The following HMGXB4 variants were observed in gnomAD, a reference collection of about 807,000 sequenced individuals.
The protein encoded by HMGXB4 is HMG-box containing 4.
A neutral mutation model predicts 63.9 loss-of-function variants in HMGXB4; 27 were observed. That is an observed-to-expected ratio of 0.42 (90% CI 0.31 to 0.58). The LOEUF is 0.58. HMGXB4 is among the 20% of genes least tolerant of loss of function. The pLI, the probability that HMGXB4 is intolerant of heterozygous loss-of-function variation, is 0.13. For synonymous variants in HMGXB4, 264 were observed against 265.3 expected (o/e 0.99, Z 0.05); for missense variants, 624 against 700.7 (o/e 0.89, Z 1.24).
At chr22:35,280,899 T>G (rs1463210852) in intron 5 of HMGXB4, among the ~76,000 whole-genome samples, 1 of 152,204 alleles carries the variant, frequency 6.6e-6, no homozygotes, top group African/African-American at 2.4e-5. Context: ...CTCCCTAACT[T>G]GGGAAGGCAC....
At chr22:35,293,366 C>T (rs1265953781) in intron 10 of HMGXB4, among the ~76,000 whole-genome samples, 1 of 152,190 alleles carries the variant, frequency 6.6e-6, no homozygotes. Flanking sequence ...TCCTGTGTTT[C>T]CTGTTTGCTA....
chr22:35,273,170 A>G (rs1273095459), intron 5 of HMGXB4, among the ~76,000 whole-genome samples: 1 of 152,222 alleles, frequency 6.6e-6, no homozygotes, highest in Non-Finnish European at 1.5e-5. Flanking sequence ...AACAGCAACA[A>G]TAAATGGTAG....
intron 8 of HMGXB4, 31 bp downstream of exon 8, chr22:35,287,483 C>T (rs1924666213): frequency 1.3e-6 from 2 of 1,489,886 alleles, no homozygotes; most frequent in East Asian, 4.6e-5. Flanking sequence ...CTGCTTTTCT[C>T]TAAAGCATGT....
chr22:35,253,144 A>AAAAAGAAAAAAAAAAAAAAAG (rs1555886256), upstream of HMGXB4, among the ~76,000 whole-genome samples: 2 of 125,316 alleles, frequency 1.6e-5, no homozygotes, highest in African/African-American at 5.7e-5. Flanking sequence ...AAAAAAAAAA[A>AAAAAGAAAAAAAAAAAAAAAG]AAAAAAGAAA....
At chr22:35,245,167 C>T in the HMGXB4 span, among the ~76,000 whole-genome samples, 6 of 152,122 alleles carry the variant, frequency 3.9e-5, no homozygotes, top group Admixed American at 2.6e-4. Context: ...CCACTGCACC[C>T]GGCCCATATT....
At chr22:35,274,868 G>A (rs533677093) in intron 5 of HMGXB4, among the ~76,000 whole-genome samples, 1 of 152,294 alleles carries the variant, frequency 6.6e-6, no homozygotes, top group South Asian at 2.1e-4. Context: ...TCTCAGTCAA[G>A]TTAGTTCAGA....
chr22:35,245,268 T>G, the HMGXB4 span, among the ~76,000 whole-genome samples: 2 of 151,940 alleles, frequency 1.3e-5, no homozygotes, highest in African/African-American at 2.4e-5. Flanking sequence ...ATCCATTGGG[T>G]TTTTTGTTAG....
At chr22:35,248,937 T>C in the HMGXB4 span, among the ~76,000 whole-genome samples, 1 of 152,194 alleles carries the variant, frequency 6.6e-6, no homozygotes, top group African/African-American at 2.4e-5. Context: ...GGACTGGAAG[T>C]TGCTCTGGGT....
chr22:35,293,982 ATC>A lies in HMGXB4; in HGVS notation c.*335_*336del, dbSNP rs1925092284. On this transcript the variant is annotated 3_prime_UTR_variant, in exon 11 of 11. Coordinates refer to ENST00000216106, the MANE Select transcript of HMGXB4 (RefSeq NM_001003681.3). The stretch of plus-strand genomic sequence containing the variant: ...GGGGCTTGTTCTGGGTGCCAAGCGC[ATC>A]TCTTTATGGACAGCTAAAATGTGAT... The A allele has an allele frequency of 5.7e-6, 1 of 176,412 alleles. No individual in the cohort carries two copies. Among genetic ancestry groups the A allele is most frequent in the Admixed American group, 6.2e-5 (1 of 16,206 alleles). 10.9% of individuals were successfully genotyped at this position (176,412 alleles called of 1,614,324 possible).
chr22:35,245,910 C>T, the HMGXB4 span, among the ~76,000 whole-genome samples: 1 of 152,112 alleles, frequency 6.6e-6, no homozygotes. Context: ...GACACCAGGT[C>T]CAGGGGGACC....
At position 35,294,905 on chromosome 22, in the gene HMGXB4, A is replaced by G. The variant is rs898973734; in HGVS notation, c.*1254A>G. 4 of 152,182 alleles carry G rather than the reference A, an allele frequency of 2.6e-5. No homozygotes were observed. The highest frequency in any genetic ancestry group is 9.7e-5 in the African/African-American group (4 of 41,448). The allele number at this position is 152,182 out of a possible 1,614,324, so 9.4% of individuals were successfully genotyped here. A position where few individuals can be genotyped will look rare whatever the true frequency, so the allele number is the denominator to read the frequency against. The stretch of plus-strand genomic sequence containing the variant: ...CATTTTAAGGTATTTTACCTCAAAA[A>G]TGAATCATTGTGTTAGGATTCTAAT... On this transcript the variant is annotated 3_prime_UTR_variant, in exon 11 of 11. Coordinates refer to ENST00000216106, the MANE Select transcript of HMGXB4 (RefSeq NM_001003681.3).
the HMGXB4 span, among the ~76,000 whole-genome samples, chr22:35,246,313 C>T: frequency 1.3e-5 from 2 of 151,988 alleles, no homozygotes; most frequent in African/African-American, 4.8e-5. Context: ...CTCGCTCTGT[C>T]GCCCAGGATA....
At chr22:35,263,433 G>A (rs1922995692) in intron 3 of HMGXB4, among the ~76,000 whole-genome samples, 1 of 151,946 alleles carries the variant, frequency 6.6e-6, no homozygotes, top group South Asian at 2.1e-4. Context: ...ACAGGCGCGG[G>A]CCACCACGCC....
chr22:35,266,455 A>G (rs1411535877), intron 5 of HMGXB4, among the ~76,000 whole-genome samples: 1 of 152,184 alleles, frequency 6.6e-6, no homozygotes, highest in Admixed American at 6.5e-5. Flanking sequence ...GGAAGTAAAA[A>G]CACAAGCAGG....
At chr22:35,259,389 AT>A (rs1207485220) in intron 1 of HMGXB4, among the ~76,000 whole-genome samples, 1 of 152,224 alleles carries the variant, frequency 6.6e-6, no homozygotes, top group Non-Finnish European at 1.5e-5. Context: ...CCTGTTTCAC[AT>A]TTGCCAACAT....
In HMGXB4 at chr22:35,258,871, C is replaced by T. The variant is rs192714373; in HGVS notation, c.-69+1314C>T. On this transcript the variant is annotated intron_variant, in intron 1 of 10. Transcript: ENST00000216106. Reference sequence around the variant, plus strand: ...AACAGACCTGGAGTTCAGAATTTCTCTTACTGTCCGTGTGACGGGGCTTAC... The same window carrying T: ...AACAGACCTGGAGTTCAGAATTTCTTTTACTGTCCGTGTGACGGGGCTTAC... Among the ~76,000 whole-genome samples, 519 of 152,300 alleles carry T rather than the reference C, an allele frequency of 3.4e-3. 1 individual carries two copies. The highest frequency in any genetic ancestry group is 6.0e-3 in the Non-Finnish European group (405 of 68,020).
chr22:35,248,499 C>A, the HMGXB4 span, among the ~76,000 whole-genome samples: 5 of 151,568 alleles, frequency 3.3e-5, no homozygotes, highest in East Asian at 9.7e-4. Context: ...CTACACCTCC[C>A]AGGTTCAAGT....
intron 9 of HMGXB4, 93 bp downstream of exon 9, chr22:35,288,500 G>A: frequency 1.0e-6 from 1 of 972,314 alleles, no homozygotes; most frequent in Non-Finnish European, 1.4e-6. Context: ...CATGTATTGA[G>A]CATCTACTTT....
intron 5 of HMGXB4, among the ~76,000 whole-genome samples, chr22:35,268,121 A>G (rs1455496950): frequency 6.6e-6 from 1 of 152,214 alleles, no homozygotes; most frequent in African/African-American, 2.4e-5. Context: ...GGTGAAATGC[A>G]TAGATATTGA....
Sources: allele counts gnomAD v4.1 joint callset (sites outside exome capture counted in the v4.1 genomes callset), GRCh38; gene constraint gnomAD v4.1.1; transcripts MANE v1.5; gene names NCBI Gene and HGNC (gene_info 2026-07-23, HGNC 2026-07-21).